The following PEAK1 variants were observed in gnomAD, a reference collection of about 807,000 sequenced individuals.
The protein encoded by PEAK1 is pseudopodium enriched atypical kinase 1.
A neutral mutation model predicts 124.7 loss-of-function variants in PEAK1; 54 were observed. The ratio of observed to expected loss-of-function variants is 0.43; its 90% CI spans 0.35 to 0.54. The LOEUF is 0.54. PEAK1 is among the 20% of genes least tolerant of loss of function. The probability of loss-of-function intolerance (pLI) is 0.01; values close to 1 mark genes in which losing one functional copy is unlikely to be tolerated. For synonymous variants in PEAK1, 719 were observed against 760.0 expected (o/e 0.95, Z 0.89); for missense variants, 2,046 against 2,134.5 (o/e 0.96, Z 0.82).
chr15:77,418,115 C>A, intron 1 of PEAK1: 6 of 983,866 alleles, frequency 6.1e-6, no homozygotes, highest in Non-Finnish European at 7.2e-6. Context: ...TAATAGGCTA[C>A]AAACATTATT....
At chr15:77,146,232 G>A (rs1241990556) in intron 8 of PEAK1, among the ~76,000 whole-genome samples, 1 of 152,158 alleles carries the variant, frequency 6.6e-6, no homozygotes, top group Non-Finnish European at 1.5e-5. Context: ...CAGCTTAGGA[G>A]GAAGGGGCCT....
intron 3 of PEAK1, among the ~76,000 whole-genome samples, chr15:77,286,151 G>T (rs1476324698): frequency 2.0e-5 from 3 of 152,128 alleles, no homozygotes; most frequent in African/African-American, 7.2e-5. Context: ...AGGCTGTTCA[G>T]TTTCCATTTG....
exon 7 of PEAK1, chr15:77,102,012 C>T (rs1007867423): frequency 6.6e-6 from 1 of 152,122 alleles, no homozygotes; most frequent in African/African-American, 2.4e-5. Context: ...AAGAAAAAGG[C>T]AGAGTAAACA....
chr15:77,371,439 T>C, intron 1 of PEAK1: 2 of 982,966 alleles, frequency 2.0e-6, no homozygotes, highest in Non-Finnish European at 2.4e-6. Flanking sequence ...AAAACCATCT[T>C]TGAAGCAAAT....
At position 77,179,752 on chromosome 15, in the gene PEAK1, A is replaced by C; in HGVS notation, c.2175T>G (p.Ser725Arg). The C allele has an allele frequency of 6.2e-7, 1 of 1,613,702 alleles. No individual in the cohort carries two copies. Among genetic ancestry groups the C allele is most frequent in the Non-Finnish European group, 8.5e-7 (1 of 1,179,894 alleles). ...TCTTTGCTGGGGAGCTGTGGCTGGA[A>C]CTATAGCTTCTCTGTGGTGAAGACT... ...RGQSSPQRSYSSSHSSPAKIQ... is the reference protein window; with the variant it reads ...RGQSSPQRSYRSSHSSPAKIQ... The change falls in exon 7 of 10, where the codon AGT becomes AGG. Residue 725 changes from serine to arginine, a missense_variant. Physicochemically the swap from Ser to Arg is moderately radical, Grantham distance 110 (BLOSUM62 -1). Coordinates refer to ENST00000682557, the MANE Select transcript of PEAK1 (RefSeq NM_001385026.1).
chr15:77,251,033 C>T (rs2060855525), intron 6 of PEAK1, among the ~76,000 whole-genome samples: 1 of 152,174 alleles, frequency 6.6e-6, no homozygotes, highest in African/African-American at 2.4e-5. Flanking sequence ...TTTCATATCT[C>T]CTGCATTTCA....
At chr15:77,300,522 A>G (rs2063730599) in intron 2 of PEAK1, among the ~76,000 whole-genome samples, 1 of 152,208 alleles carries the variant, frequency 6.6e-6, no homozygotes, top group Non-Finnish European at 1.5e-5. Context: ...AAGATAGTAC[A>G]TAGAGTTCCC....
At chr15:77,262,799 C>T (rs2152941224) in intron 5 of PEAK1, among the ~76,000 whole-genome samples, 1 of 152,126 alleles carries the variant, frequency 6.6e-6, no homozygotes, top group Admixed American at 6.6e-5. Context: ...ACAGAATATA[C>T]ATTTTTTTCA....
At chr15:77,120,312 C>T (rs957414776) in intron 9 of PEAK1, among the ~76,000 whole-genome samples, 1 of 152,172 alleles carries the variant, frequency 6.6e-6, no homozygotes, top group Admixed American at 6.6e-5. Flanking sequence ...GGGCTTTAGG[C>T]TCATCTATAC....
At chr15:77,343,197 G>A (rs1042288237) in intron 2 of PEAK1, among the ~76,000 whole-genome samples, 5 of 152,144 alleles carry the variant, frequency 3.3e-5, no homozygotes, top group Non-Finnish European at 7.4e-5. Context: ...GTATATCACT[G>A]TGTTTTGATT....
At chr15:77,390,179 C>A (rs1013594200) in intron 1 of PEAK1, among the ~76,000 whole-genome samples, 1 of 152,068 alleles carries the variant, frequency 6.6e-6, no homozygotes, top group Non-Finnish European at 1.5e-5. Context: ...TATGTGCTGA[C>A]AGTAAGATAC....
intron 6 of PEAK1, among the ~76,000 whole-genome samples, chr15:77,205,880 G>A (rs1177160401): frequency 2.7e-5 from 4 of 149,470 alleles, no homozygotes; most frequent in Non-Finnish European, 5.9e-5. Context: ...CATTGTGCAG[G>A]TTAGTTACAT....
chr15:77,381,522 T>A (rs2069482421), intron 1 of PEAK1: 3 of 924,720 alleles, frequency 3.2e-6, no homozygotes, highest in Non-Finnish European at 3.9e-6. Context: ...CTTTATCTTT[T>A]CCATTACAGA....
rs767043939 is a variant in PEAK1 at position 77,338,527 on chromosome 15, T to C, written c.-603+26636A>G. ...TTGTAAAAATTAAGTATTTCTACAA[T>C]AGCTTCTGTTGAGTATTCTTAACAG... On this transcript the variant is annotated intron_variant, in intron 2 of 9. Coordinates refer to ENST00000682557, the MANE Select transcript of PEAK1 (RefSeq NM_001385026.1). 4.6e-5 allele frequency among the ~76,000 whole-genome samples: 7 copies of C among 152,030 alleles called. 1 individual carries two copies. The highest frequency in any genetic ancestry group is 2.9e-5 in the Non-Finnish European group (2 of 67,986).
intron 2 of PEAK1, chr15:77,349,034 G>A: frequency 1.1e-5 from 10 of 923,702 alleles, no homozygotes; most frequent in Non-Finnish European, 1.3e-5. Flanking sequence ...ATTTTATTCA[G>A]TCAATAATTT....
At chr15:77,213,236 C>T (rs2058986449) in intron 6 of PEAK1, among the ~76,000 whole-genome samples, 1 of 151,724 alleles carries the variant, frequency 6.6e-6, no homozygotes, top group Non-Finnish European at 1.5e-5. Flanking sequence ...AAAAATGGTC[C>T]CTATACACAA....
At chr15:77,255,486 G>C (rs993013212) in intron 5 of PEAK1, 1 of 653,450 alleles carries the variant, frequency 1.5e-6, no homozygotes, top group African/African-American at 2.0e-5. Context: ...ACAACGTTTT[G>C]GGAAAACATC....
chr15:77,357,334 G>A (rs2141514148), intron 2 of PEAK1, among the ~76,000 whole-genome samples: 1 of 152,332 alleles, frequency 6.6e-6, no homozygotes, highest in East Asian at 1.9e-4. Flanking sequence ...ATGCAGTGGT[G>A]CAATCTTGGC....
At chr15:77,218,389 GT>G (rs1002117973) in intron 6 of PEAK1, among the ~76,000 whole-genome samples, 21 of 147,016 alleles carry the variant, frequency 1.4e-4, no homozygotes, top group East Asian at 3.9e-4. Context: ...AAATAATCAT[GT>G]TTTTTTTTTG....
Sources: allele counts gnomAD v4.1 joint callset (sites outside exome capture counted in the v4.1 genomes callset), GRCh38; gene constraint gnomAD v4.1.1; transcripts MANE v1.5; gene names NCBI Gene and HGNC (gene_info 2026-07-23, HGNC 2026-07-21).